The following ANGPT1 variants were observed in gnomAD, a reference collection of about 807,000 sequenced individuals.
ANGPT1 encodes angiopoietin-1.
A neutral mutation model predicts 62.2 loss-of-function variants in ANGPT1; 17 were observed. That is an observed-to-expected ratio of 0.27 (90% CI 0.19 to 0.41). The LOEUF (loss-of-function observed/expected upper bound fraction) is 0.41, where lower values mean the gene tolerates loss of function less well. Ranked by LOEUF, ANGPT1 falls within the 10% of genes least tolerant of loss-of-function variation. The probability of loss-of-function intolerance (pLI) is 1.00; values close to 1 mark genes in which losing one functional copy is unlikely to be tolerated. For missense variants in ANGPT1, 478 were observed against 594.9 expected (o/e 0.80, Z 2.04); for synonymous variants, 199 against 198.9 (o/e 1.00, Z 0.00).
At chr8:107,398,630 C>A (rs907109399) in intron 1 of ANGPT1, among the ~76,000 whole-genome samples, 16 of 150,832 alleles carry the variant, frequency 1.1e-4, no homozygotes, top group Non-Finnish European at 1.8e-4. Flanking sequence ...TCAAAGCAAA[C>A]CTAAAACTGT....
At chr8:107,326,180 A>G (rs1053095031) in intron 3 of ANGPT1, among the ~76,000 whole-genome samples, 1 of 152,128 alleles carries the variant, frequency 6.6e-6, no homozygotes, top group Admixed American at 6.6e-5. Flanking sequence ...GAGACTGTCC[A>G]TGGAACTAAG....
intron 3 of ANGPT1, among the ~76,000 whole-genome samples, chr8:107,332,401 C>T (rs750167610): frequency 6.6e-6 from 1 of 152,110 alleles, no homozygotes; most frequent in Non-Finnish European, 1.5e-5. Flanking sequence ...AGAGAGCAAA[C>T]TGGAAGCTTT....
chr8:107,368,404 G>T (rs2959351), intron 1 of ANGPT1, among the ~76,000 whole-genome samples: 113,189 of 151,784 alleles, frequency 0.75, 43,072 homozygotes, highest in East Asian at 0.87. Context: ...CAGAGTAGAT[G>T]TAGAATAATT....
At chr8:107,433,861 A>G (rs1229505737) in intron 1 of ANGPT1, among the ~76,000 whole-genome samples, 1 of 152,240 alleles carries the variant, frequency 6.6e-6, no homozygotes, top group Non-Finnish European at 1.5e-5. Flanking sequence ...TTACAAGTGC[A>G]ACAATTTTCA....
At chr8:107,423,685 T>C (rs1214126547) in intron 1 of ANGPT1, among the ~76,000 whole-genome samples, 1 of 152,154 alleles carries the variant, frequency 6.6e-6, no homozygotes, top group Non-Finnish European at 1.5e-5. Context: ...CATGTAACAT[T>C]ACCTAGCACA....
intron 1 of ANGPT1, among the ~76,000 whole-genome samples, chr8:107,350,217 C>T (rs1400295074): frequency 6.6e-6 from 1 of 152,128 alleles, no homozygotes; most frequent in African/African-American, 2.4e-5. Flanking sequence ...CTCATTTAAA[C>T]CATCAAATTT....
At chr8:107,374,264 T>C (rs1816481450) in intron 1 of ANGPT1, among the ~76,000 whole-genome samples, 2 of 152,192 alleles carry the variant, frequency 1.3e-5, no homozygotes, top group Non-Finnish European at 1.5e-5. Context: ...TAGACTGTAA[T>C]ATAATGCTAT....
intron 7 of ANGPT1, among the ~76,000 whole-genome samples, chr8:107,267,412 A>C (rs1228890293): frequency 6.6e-6 from 1 of 152,172 alleles, no homozygotes; most frequent in Non-Finnish European, 1.5e-5. Context: ...TATTAGGATT[A>C]CAATATAATC....
intron 1 of ANGPT1, among the ~76,000 whole-genome samples, chr8:107,381,132 G>T (rs1452962252): frequency 1.3e-5 from 2 of 152,138 alleles, no homozygotes; most frequent in South Asian, 2.1e-4. Context: ...ATGGCCATTG[G>T]CTCTCTTTCT....
intron 1 of ANGPT1, among the ~76,000 whole-genome samples, chr8:107,389,950 A>G (rs74584735): frequency 8.2e-6 from 1 of 121,470 alleles, no homozygotes; most frequent in Admixed American, 7.7e-5. Flanking sequence ...AAAAAAAAAA[A>G]TCATGCTGCA....
chr8:107,393,974 T>A (rs544334108), intron 1 of ANGPT1, among the ~76,000 whole-genome samples: 5 of 152,282 alleles, frequency 3.3e-5, no homozygotes, highest in African/African-American at 1.2e-4. Flanking sequence ...CATTTTGACT[T>A]TCAGTCTTTG....
chr8:107,375,667 A>C (rs1816516266), intron 1 of ANGPT1, among the ~76,000 whole-genome samples: 1 of 152,196 alleles, frequency 6.6e-6, no homozygotes, highest in Non-Finnish European at 1.5e-5. Flanking sequence ...ATATTGGTTT[A>C]GGACTGCCAC....
chr8:107,409,545 C>T (rs1027264904), intron 1 of ANGPT1, among the ~76,000 whole-genome samples: 1 of 152,128 alleles, frequency 6.6e-6, no homozygotes, highest in African/African-American at 2.4e-5. Context: ...TCTCAGTTAT[C>T]CCTTCCTTGA....
intron 8 of ANGPT1, among the ~76,000 whole-genome samples, 182 bp from the exon 9 acceptor site, chr8:107,252,197 T>C (rs1054667323): frequency 1.3e-5 from 2 of 152,208 alleles, no homozygotes; most frequent in Non-Finnish European, 2.9e-5. Flanking sequence ...TGACTTCTGA[T>C]TTAAGATTTG....
At chr8:107,431,502 C>G (rs886279041) in intron 1 of ANGPT1, among the ~76,000 whole-genome samples, 2 of 152,204 alleles carry the variant, frequency 1.3e-5, no homozygotes, top group African/African-American at 4.8e-5. Flanking sequence ...CTTCACATTA[C>G]ATGTCCTGCC....
chr8:107,353,085 T>G lies in ANGPT1; in HGVS notation c.298-5988A>C, dbSNP rs974006958. On this transcript the variant is annotated intron_variant, in intron 1 of 8. Transcript: ENST00000517746. Reference sequence around the variant, plus strand: ...TATAATTGTCTTTTTAGACAATAGATCTATTTAGCTAACATTTAAAATGGT... The same window carrying G: ...TATAATTGTCTTTTTAGACAATAGAGCTATTTAGCTAACATTTAAAATGGT... Among the ~76,000 whole-genome samples the G allele has an allele frequency of 6.6e-5, 10 of 152,222 alleles. 1 individual carries two copies. The highest frequency in any genetic ancestry group is 4.6e-4 in the Admixed American group (7 of 15,284).
chr8:107,262,322 G>A (rs536590114), intron 8 of ANGPT1, among the ~76,000 whole-genome samples: 2 of 152,208 alleles, frequency 1.3e-5, no homozygotes, highest in Non-Finnish European at 2.9e-5. Flanking sequence ...TATTTCAAGA[G>A]TTAAAAGATG....
chr8:107,387,481 T>A (rs538628248), intron 1 of ANGPT1, among the ~76,000 whole-genome samples: 23 of 152,184 alleles, frequency 1.5e-4, no homozygotes, highest in Non-Finnish European at 2.4e-4. Flanking sequence ...TAAACTGAAA[T>A]AACAGTTTAT....
At chr8:107,277,088 C>T (rs1235885097) in intron 7 of ANGPT1, among the ~76,000 whole-genome samples, 1 of 152,010 alleles carries the variant, frequency 6.6e-6, no homozygotes, top group African/African-American at 2.4e-5. Context: ...ATTATAATGA[C>T]AAGATGTGCA....
Sources: gnomAD v4.1 joint callset for allele counts (sites outside exome capture counted in the v4.1 genomes callset) on GRCh38, gnomAD v4.1.1 for gene constraint, MANE v1.5 for transcripts, NCBI Gene and HGNC (gene_info 2026-07-23, HGNC 2026-07-21) for gene names.